Variants in LMF1 observed in about 807,000 individuals in gnomAD.
The protein encoded by LMF1 is lipase maturation factor 1.
In LMF1, 68 loss-of-function variants were observed where a neutral mutation model predicts 60.6. The ratio of observed to expected loss-of-function variants is 1.12; its 90% confidence interval spans 0.92 to 1.37. LMF1 has a LOEUF of 1.37. Among genes scored for constraint, LMF1 ranks in the 40% most tolerant of loss-of-function variants. The pLI is 0.00. For missense variants in LMF1, 948 were observed against 767.2 expected (o/e 1.24, Z -2.78); for synonymous variants, 418 against 324.7 (o/e 1.29, Z -3.09).
chr16:926,338 G>T (rs2071601784), intron 3 of LMF1, among the ~76,000 whole-genome samples: 1 of 151,668 alleles, frequency 6.6e-6, no homozygotes, highest in African/African-American at 2.4e-5. Flanking sequence ...AGATCTGCAG[G>T]TCTGTGCGCA....
intron 6 of LMF1, chr16:872,445 T>C (rs995079494): frequency 6.6e-6 from 1 of 152,296 alleles, no homozygotes; most frequent in African/African-American, 2.4e-5. Context: ...AAAATAGCTT[T>C]TCTGGTTCTG....
intron 1 of LMF1, chr16:968,797 G>A (rs1038078844): frequency 6.6e-6 from 1 of 152,212 alleles, no homozygotes; most frequent in Non-Finnish European, 1.5e-5. Flanking sequence ...TCCCTGCGGA[G>A]ATCAAAGGAG....
intron 10 of LMF1, among the ~76,000 whole-genome samples, chr16:858,435 A>T (rs867560598): frequency 4.9e-4 from 9 of 18,326 alleles, no homozygotes; most frequent in East Asian, 4.0e-3. Context: ...GAGTGGTGTC[A>T]CGGGACGGGT....
At chr16:954,873 C>T (rs112638341) in intron 1 of LMF1, among the ~76,000 whole-genome samples, 3,669 of 133,966 alleles carry the variant, frequency 0.027, 164 homozygotes, top group South Asian at 0.059. Flanking sequence ...GCAGCAGACG[C>T]GGTGTGTGCA....
At chr16:958,664 A>C (rs2151483519) in intron 1 of LMF1, among the ~76,000 whole-genome samples, 1 of 152,334 alleles carries the variant, frequency 6.6e-6, no homozygotes. Context: ...AGGTGGGCAG[A>C]TCACCTGAGG....
chr16:892,256 G>T (rs764373635), intron 5 of LMF1, among the ~76,000 whole-genome samples: 26 of 152,216 alleles, frequency 1.7e-4, no homozygotes, highest in Admixed American at 5.9e-4. Context: ...GTGCAGGTGC[G>T]AGTGACGGGC....
At chr16:869,463 G>T in intron 9 of LMF1, 1 of 543,726 alleles carries the variant, frequency 1.8e-6, no homozygotes. Context: ...ACAGGGTCTG[G>T]CTCCGTCCCC....
intron 3 of LMF1, among the ~76,000 whole-genome samples, chr16:929,928 T>C (rs1208692250): frequency 6.7e-6 from 1 of 149,160 alleles, no homozygotes; most frequent in African/African-American, 2.5e-5. Context: ...CACAGGGCCC[T>C]GGGACACAGA....
At chr16:920,818 C>T (rs747995064) in intron 3 of LMF1, among the ~76,000 whole-genome samples, 5 of 152,222 alleles carry the variant, frequency 3.3e-5, no homozygotes, top group Admixed American at 6.5e-5. Flanking sequence ...GAATGATAGT[C>T]GACTTCCCGT....
intron 6 of LMF1, chr16:872,915 ACCTGCCTGCCTGGGTCAGGGTGGGC>A (rs1227867078): frequency 6.6e-6 from 1 of 152,196 alleles, no homozygotes; most frequent in Admixed American, 6.5e-5. Flanking sequence ...AGCCCTGAGC[ACCTGCCTGCCTGGGTCAGGGTGGGC>A]CCTGCCTGAG....
chr16:970,711 G>A, intron 1 of LMF1, 77 bp downstream of exon 1: 1 of 1,334,484 alleles, frequency 7.5e-7, no homozygotes, highest in Non-Finnish European at 1.0e-6. Flanking sequence ...ACCGCGCGGA[G>A]GAGTCTCGAG....
In LMF1 at chr16:853,775, C is replaced by G. The variant is rs780174157; in HGVS notation, c.*757G>C. The G allele has an allele frequency of 6.6e-6, 3 of 454,052 alleles. No homozygotes were observed. The East Asian group carries it at 2.1e-4, about 32-fold the overall frequency. 28.1% of individuals were successfully genotyped at this position (454,052 alleles called of 1,614,324 possible). On this transcript the variant is annotated 3_prime_UTR_variant, in exon 11 of 11. Transcript: ENST00000262301. ...GAAAGTGTGCACGGCCGGCTGTCCTCCGATTGAGGGGCCTTGTCAAGGCCT... is the reference window on the plus strand; with the variant it reads ...GAAAGTGTGCACGGCCGGCTGTCCTGCGATTGAGGGGCCTTGTCAAGGCCT...
At chr16:973,206 G>A (rs1189377872), upstream of LMF1, among the ~76,000 whole-genome samples, 1 of 152,112 alleles carries the variant, frequency 6.6e-6, no homozygotes, top group East Asian at 1.9e-4. Context: ...TTAGCCAGGT[G>A]TGGTGGCGGG....
chr16:971,790 G>C (rs909987517), upstream of LMF1, among the ~76,000 whole-genome samples: 3 of 152,262 alleles, frequency 2.0e-5, no homozygotes, highest in Non-Finnish European at 2.9e-5. Flanking sequence ...CGTGAGGCTA[G>C]AGTAGGCATT....
intron 1 of LMF1, chr16:980,119 C>T (rs562615896): frequency 7.6e-5 from 21 of 276,534 alleles, no homozygotes; most frequent in African/African-American, 4.4e-4. Context: ...ACCGCTGCTT[C>T]CTCTGACCTG....
intron 10 of LMF1, among the ~76,000 whole-genome samples, chr16:859,259 G>A (rs1596831211): frequency 1.6e-5 from 2 of 125,384 alleles, no homozygotes; most frequent in East Asian, 2.3e-4. Context: ...GTGGTGTCAC[G>A]GGACGGGTGT....
chr16:928,604 A>G (rs1431501101), intron 3 of LMF1, among the ~76,000 whole-genome samples: 1 of 152,000 alleles, frequency 6.6e-6, no homozygotes, highest in African/African-American at 2.4e-5. Context: ...GCCCTGAGGG[A>G]GCAGGGGGGC....
intron 5 of LMF1, chr16:881,330 T>A (rs1237860516): frequency 6.6e-6 from 1 of 152,276 alleles, no homozygotes; most frequent in Admixed American, 6.5e-5. Flanking sequence ...GGAGAAAACA[T>A]CATGACCTGA....
chr16:942,831 C>T (rs1013820901), intron 2 of LMF1, among the ~76,000 whole-genome samples: 2 of 152,208 alleles, frequency 1.3e-5, no homozygotes, highest in African/African-American at 4.8e-5. Context: ...TGTCCTCTCT[C>T]TGTGGGGCTC....
Sources: allele counts gnomAD v4.1 joint callset (sites outside exome capture counted in the v4.1 genomes callset), GRCh38; gene constraint gnomAD v4.1.1; transcripts MANE v1.5; gene names NCBI Gene and HGNC (gene_info 2026-07-23, HGNC 2026-07-21).